The following MYPOP variants were observed in gnomAD, a reference collection of about 807,000 sequenced individuals.
MYPOP encodes the protein myb-related transcription factor, partner of profilin.
In MYPOP, 21 loss-of-function variants were observed where a neutral mutation model predicts 25.7. That is an observed-to-expected ratio of 0.82 (90% CI 0.58 to 1.18). The LOEUF (loss-of-function observed/expected upper bound fraction) is 1.18. Among genes scored for constraint, MYPOP ranks in the 50% most tolerant of loss-of-function variants. The probability of loss-of-function intolerance (pLI) is 0.00; values close to 1 mark genes in which losing one functional copy is unlikely to be tolerated. For synonymous variants in MYPOP, 280 were observed against 247.9 expected (o/e 1.13, Z -1.22); for missense variants, 566 against 588.3 (o/e 0.96, Z 0.39).
intron 2 of MYPOP, among the ~76,000 whole-genome samples, chr19:45,899,694 C>T (rs1427743123): frequency 6.6e-6 from 1 of 151,820 alleles, no homozygotes; most frequent in Non-Finnish European, 1.5e-5. Context: ...ACAAAAATTA[C>T]CTGGGCATGG....
In MYPOP at chr19:45,901,914, T is replaced by G; in HGVS notation, c.-52-89A>C. ...GACCGCCGGGCCGAGAGCTCCTTAG[T>G]CCCCGGGGGCAGGAGTGGGGGCGGG... On this transcript the variant is annotated intron_variant, in intron 1 of 2. Coordinates refer to ENST00000322217, the MANE Select transcript of MYPOP (RefSeq NM_001012643.4). This position sits in a 1 kb window ranked among gnomAD's most constrained non-coding sequence, Gnocchi z 5.7. 1.3e-4 allele frequency: 70 copies of G among 524,526 alleles called. No homozygotes were observed. The highest frequency in any genetic ancestry group is 1.4e-4 in the Non-Finnish European group (50 of 363,208). The allele number at this position is 524,526 out of a possible 1,614,324, so 32.5% of individuals were successfully genotyped here.
At chr19:45,894,499 A>T (rs907820462) in intron 2 of MYPOP, among the ~76,000 whole-genome samples, 5 of 148,428 alleles carry the variant, frequency 3.4e-5, no homozygotes, top group Non-Finnish European at 6.0e-5. Flanking sequence ...CTGCATCCTT[A>T]ATCTCCCCAG....
chr19:45,902,243 G>A (rs1967312157), intron 1 of MYPOP, among the ~76,000 whole-genome samples: 2 of 127,292 alleles, frequency 1.6e-5, no homozygotes, highest in African/African-American at 5.8e-5. Context: ...AGCAAGAAGG[G>A]GGGAATCTGG....
intron 2 of MYPOP, among the ~76,000 whole-genome samples, chr19:45,895,972 G>GAAA (rs577728240): frequency 6.7e-6 from 1 of 149,348 alleles, no homozygotes; most frequent in African/African-American, 2.5e-5. Context: ...AGAAGATAGA[G>GAAA]AAAAAAAAAA....
intron 2 of MYPOP, among the ~76,000 whole-genome samples, chr19:45,892,447 C>T (rs1967139211): frequency 6.6e-6 from 1 of 152,156 alleles, no homozygotes; most frequent in African/African-American, 2.4e-5. Flanking sequence ...TGCTCATGGG[C>T]TTGAACAGTT....
intron 2 of MYPOP, among the ~76,000 whole-genome samples, chr19:45,898,816 C>T (rs950949141): frequency 7.2e-5 from 11 of 152,170 alleles, no homozygotes; most frequent in African/African-American, 2.7e-4. Flanking sequence ...GTATAGCCCC[C>T]TTCCATGACT....
At chr19:45,891,440 C>G in intron 2 of MYPOP, 117 bp from the exon 3 acceptor site, 1 of 1,230,532 alleles carries the variant, frequency 8.1e-7, no homozygotes, top group Non-Finnish European at 1.1e-6. Flanking sequence ...TCCTTCTCAC[C>G]CCCGCCCCCC....
chr19:45,897,183 C>A (rs1211736915), intron 2 of MYPOP, among the ~76,000 whole-genome samples: 1 of 152,038 alleles, frequency 6.6e-6, no homozygotes, highest in Non-Finnish European at 1.5e-5. Context: ...CTGCCTCAGC[C>A]TCCCGAGGAG....
chr19:45,896,472 C>A (rs1393865159), intron 2 of MYPOP, among the ~76,000 whole-genome samples: 1 of 152,178 alleles, frequency 6.6e-6, no homozygotes. Context: ...GTGATTCCAC[C>A]TAGTCTTCCC....
Position 45,890,822 on chromosome 19 carries a change from G to T in MYPOP, c.1001C>A (p.Thr334Asn), listed in dbSNP as rs1489593548. The T allele has an allele frequency of 2.8e-6, 4 of 1,439,012 alleles. No homozygotes were observed. In the African/African-American group the frequency reaches 4.4e-5, roughly 16 times the overall value. The allele number at this position is 1,439,012 out of a possible 1,614,324, so 89.1% of individuals were successfully genotyped here. ...AGCCACCACGGACACGGGCTCTGGGGTGATCTCCACCTTGGGGGCCGGTGG... is the reference window on the plus strand; with the variant it reads ...AGCCACCACGGACACGGGCTCTGGGTTGATCTCCACCTTGGGGGCCGGTGG... Reference protein sequence around the residue: ...LPPPAPKVEITPEPVSVVAAV... With the variant: ...LPPPAPKVEINPEPVSVVAAV... Residue 334 changes from threonine (T) to asparagine (N), a missense_variant, in exon 3 of 3, where the codon ACC becomes AAC. Transcript: ENST00000322217.
Position 45,901,636 on chromosome 19 carries a change from C to G in MYPOP, c.138G>C (p.Arg46=). Residue 46 remains arginine, a synonymous_variant, in exon 2 of 3, where the codon CGG becomes CGC. Coordinates refer to ENST00000322217, the MANE Select transcript of MYPOP (RefSeq NM_001012643.4). The surrounding 1 kb of genome is among the most constrained non-coding windows in gnomAD (Gnocchi z 5.7). Reference sequence around the variant, plus strand: ...CGCGCCGCCGCTCTGCCACGCTCACCCGACGGCTCTGCGCGCCGTAGAGCT... The same window carrying G: ...CGCGCCGCCGCTCTGCCACGCTCACGCGACGGCTCTGCGCGCCGTAGAGCT... ...YPQLYGAQSR[R]VSVAERRRVW... is the part of the protein sequence containing the mutation. 6.2e-7 allele frequency: 1 copy of G among 1,610,758 alleles called. No individual in the cohort carries two copies. The highest frequency in any genetic ancestry group is 8.5e-7 in the Non-Finnish European group (1 of 1,179,320).
In MYPOP at chr19:45,890,258, T is replaced by TC. The variant is rs1287593199; in HGVS notation, c.*364dup. Reference sequence around the variant, plus strand: ...AAGTCTGGGTTGGGGAGGTGGGGAGTCCCCCACGGGTCAATTCTCTTCAAG... The same window carrying TC: ...AAGTCTGGGTTGGGGAGGTGGGGAGTCCCCCCACGGGTCAATTCTCTTCAAG... On this transcript the variant is annotated 3_prime_UTR_variant, in exon 3 of 3. Coordinates refer to ENST00000322217, the MANE Select transcript of MYPOP (RefSeq NM_001012643.4). The TC allele has an allele frequency of 1.0e-5, 2 of 194,358 alleles. No homozygotes were observed. Among genetic ancestry groups the TC allele is most frequent in the African/African-American group, 4.7e-5 (2 of 42,600 alleles). 12.0% of individuals were successfully genotyped at this position (194,358 alleles called of 1,614,324 possible). A position where few individuals can be genotyped will look rare whatever the true frequency, so the allele number is the denominator to read the frequency against.
rs1282195962 is a variant in MYPOP, at chr19:45,891,072, G to A, written c.751C>T (p.Pro251Ser). The change falls in exon 3 of 3, where the codon CCC becomes TCC. Residue 251 changes from proline (P) to serine (S), a missense_variant. Physicochemically the swap from Pro to Ser is moderately conservative, Grantham distance 74. Coordinates refer to ENST00000322217, the MANE Select transcript of MYPOP (RefSeq NM_001012643.4). ...GAGGGGTCTGAGGCCGAGAGCGTGG[G>A]TGGAGGCCGAGGAGGGGGTGGGGGG... Reference protein sequence around the residue: ...PSPPPPPRPPPTLSASDPSLD... With the variant: ...PSPPPPPRPPSTLSASDPSLD... 1 of 1,488,548 alleles carries A rather than the reference G, an allele frequency of 6.7e-7. No homozygotes were observed. Among genetic ancestry groups the A allele is most frequent in the Non-Finnish European group, 9.0e-7 (1 of 1,115,442 alleles). The allele number at this position is 1,488,548 out of a possible 1,614,324, so 92.2% of individuals were successfully genotyped here.
chr19:45,894,019 G>C (rs1967165473), intron 2 of MYPOP, among the ~76,000 whole-genome samples: 1 of 151,386 alleles, frequency 6.6e-6, no homozygotes, highest in African/African-American at 2.4e-5. Context: ...TCGATCTCCT[G>C]ACCTCGTGAT....
rs763492011 is a variant in MYPOP at position 45,890,716 on chromosome 19, G to T, written c.1107C>A (p.Pro369=). 3.2e-6 allele frequency: 5 copies of T among 1,581,414 alleles called. No individual in the cohort carries two copies. In the African/African-American group the frequency reaches 5.4e-5, roughly 17 times the overall value. ...AGTCGTGCGGAGGGAGCGGGGCTGG[G>T]GGGGGCCGGGGTGCCCCCTCCTCGC... is the stretch of plus-strand genomic sequence containing the variant. ...PRSEEGAPRP[P]PAPLPPHDSP... is the part of the protein sequence containing the mutation. Residue 369 remains proline, a synonymous_variant, in exon 3 of 3, where the codon CCC becomes CCA. Coordinates refer to ENST00000322217, the MANE Select transcript of MYPOP (RefSeq NM_001012643.4).
In MYPOP at chr19:45,890,949, T is replaced by C. The variant is rs1310542446; in HGVS notation, c.874A>G (p.Ser292Gly). ...QGLAKLSEAL[S>G]ALLPLLPGTP... ...CCTGGCAGAAGGGGCAGCAGAGCGCTGAGGGCCTCGCTCAGTTTGGCCAGT... is the reference window on the plus strand; with the variant it reads ...CCTGGCAGAAGGGGCAGCAGAGCGCCGAGGGCCTCGCTCAGTTTGGCCAGT... Residue 292 changes from serine (S) to glycine (G), a missense_variant, in exon 3 of 3, where the codon AGC becomes GGC. Physicochemically the swap from Ser to Gly is moderately conservative, Grantham distance 56. Coordinates refer to ENST00000322217, the MANE Select transcript of MYPOP (RefSeq NM_001012643.4). The C allele has an allele frequency of 1.4e-6, 2 of 1,469,750 alleles. No homozygotes were observed. The highest frequency in any genetic ancestry group is 2.4e-5 in the Admixed American group (1 of 41,358). 91.0% of individuals were successfully genotyped at this position (1,469,750 alleles called of 1,614,324 possible).
chr19:45,890,993 G>A lies in MYPOP; in HGVS notation c.830C>T (p.Ala277Val), dbSNP rs866661789. The stretch of plus-strand genomic sequence containing the variant: ...GGCCAGTCCCTGTCGAAGGGTGCCG[G>A]CCAGCTCCCGGATGGCGTTGGCAGT... Reference protein sequence around the residue: ...QETANAIRELAGTLRQGLAKL... With the variant: ...QETANAIRELVGTLRQGLAKL... Residue 277 changes from alanine to valine, a missense_variant, in exon 3 of 3, where the codon GCC becomes GTC. Coordinates refer to ENST00000322217, the MANE Select transcript of MYPOP (RefSeq NM_001012643.4). The A allele has an allele frequency of 2.6e-6, 4 of 1,518,204 alleles. No homozygotes were observed. Among genetic ancestry groups the A allele is most frequent in the Non-Finnish European group, 3.5e-6 (4 of 1,129,114 alleles). The allele number at this position is 1,518,204 out of a possible 1,614,324, so 94.0% of individuals were successfully genotyped here.
rs368734330 is a variant in MYPOP at position 45,890,992 on chromosome 19, G to A, written c.831C>T (p.Ala277=). The A allele has an allele frequency of 1.8e-5, 27 of 1,521,174 alleles. No individual in the cohort carries two copies. Among genetic ancestry groups the A allele is most frequent in the African/African-American group, 1.4e-4 (10 of 73,008 alleles). The allele number at this position is 1,521,174 out of a possible 1,614,324, so 94.2% of individuals were successfully genotyped here. ...QETANAIREL[A]GTLRQGLAKL... Reference sequence around the variant, plus strand: ...TGGCCAGTCCCTGTCGAAGGGTGCCGGCCAGCTCCCGGATGGCGTTGGCAG... The same window carrying A: ...TGGCCAGTCCCTGTCGAAGGGTGCCAGCCAGCTCCCGGATGGCGTTGGCAG... The change falls in exon 3 of 3, where the codon GCC becomes GCT. Residue 277 remains alanine (A), a synonymous_variant. Coordinates refer to ENST00000322217, the MANE Select transcript of MYPOP (RefSeq NM_001012643.4).
chr19:45,899,660 T>A (rs911238002), intron 2 of MYPOP, among the ~76,000 whole-genome samples: 3 of 151,954 alleles, frequency 2.0e-5, no homozygotes, highest in Non-Finnish European at 4.4e-5. Context: ...GTCAACATGG[T>A]GAAATCCCAT....
Sources: gnomAD v4.1 joint callset for allele counts (sites outside exome capture counted in the v4.1 genomes callset) on GRCh38, gnomAD v4.1.1 for gene constraint, Gnocchi (gnomAD v3.1) non-coding constraint, MANE v1.5 for transcripts, NCBI Gene and HGNC (gene_info 2026-07-23, HGNC 2026-07-21) for gene names.